The following SOX5 variants were observed in gnomAD, a reference collection of about 807,000 sequenced individuals.
SOX5 encodes SRY-box transcription factor 5.
A neutral mutation model predicts 92.0 loss-of-function variants in SOX5; 9 were observed. The observed-to-expected ratio is 0.10, with a 90% CI of 0.06 to 0.17. The LOEUF is 0.17. SOX5 is among the 10% of genes least tolerant of loss of function. The pLI is 1.00. For synonymous variants in SOX5, 344 were observed against 336.3 expected (o/e 1.02, Z -0.25); for missense variants, 642 against 944.5 (o/e 0.68, Z 4.20).
chr12:24,255,354 A>C (rs1450875298), intron 3 of SOX5, among the ~76,000 whole-genome samples: 1 of 152,178 alleles, frequency 6.6e-6, no homozygotes, highest in Non-Finnish European at 1.5e-5. Context: ...TATTAGAAAT[A>C]TTGGGTCCAA....
intron 6 of SOX5, among the ~76,000 whole-genome samples, chr12:23,703,165 A>G (rs1300995977): frequency 6.6e-6 from 1 of 152,076 alleles, no homozygotes; most frequent in Non-Finnish European, 1.5e-5. Context: ...TGTAGTGTGA[A>G]CAGGTTTGCT....
intron 4 of SOX5, among the ~76,000 whole-genome samples, chr12:23,969,329 T>C (rs997989568): frequency 6.6e-6 from 1 of 151,934 alleles, no homozygotes; most frequent in Non-Finnish European, 1.5e-5. Context: ...CAATCCATTT[T>C]TTTTCCCACA....
chr12:24,502,987 A>G (rs1948372155), intron 1 of SOX5, among the ~76,000 whole-genome samples: 2 of 152,228 alleles, frequency 1.3e-5, no homozygotes, highest in South Asian at 4.1e-4. Flanking sequence ...AAGCTGAAGA[A>G]TTGTCACACT....
At chr12:23,725,729 C>G (rs894038650) in intron 6 of SOX5, among the ~76,000 whole-genome samples, 5 of 150,528 alleles carry the variant, frequency 3.3e-5, no homozygotes, top group African/African-American at 7.3e-5. Context: ...ATACGGAAGT[C>G]AGATGATGGA....
intron 13 of SOX5, among the ~76,000 whole-genome samples, chr12:23,540,242 G>A (rs1273062950): frequency 6.6e-6 from 1 of 151,794 alleles, no homozygotes; most frequent in Non-Finnish European, 1.5e-5. Flanking sequence ...AGGAGGGATA[G>A]CATTAGGAGA....
intron 4 of SOX5, among the ~76,000 whole-genome samples, chr12:24,071,896 G>A (rs2137450168): frequency 6.6e-6 from 1 of 152,298 alleles, no homozygotes; most frequent in Non-Finnish European, 1.5e-5. Context: ...AGCATCTGCA[G>A]AAACAAAATT....
intron 1 of SOX5, among the ~76,000 whole-genome samples, chr12:23,914,127 A>G (rs892744929): frequency 5.3e-5 from 8 of 152,270 alleles, no homozygotes; most frequent in Middle Eastern, 6.8e-3. Context: ...CAGAGCCCTA[A>G]ATTAATTCAT....
intron 11 of SOX5, among the ~76,000 whole-genome samples, chr12:23,557,665 C>T (rs1945414927): frequency 6.6e-6 from 1 of 152,028 alleles, no homozygotes. Context: ...CTTTGTGAAC[C>T]CCAGACAAGG....
intron 2 of SOX5, among the ~76,000 whole-genome samples, chr12:24,341,472 C>G (rs983558222): frequency 3.3e-5 from 5 of 152,194 alleles, no homozygotes; most frequent in Admixed American, 3.3e-4. Flanking sequence ...ACGAAACCGT[C>G]TCAAAAATTA....
At chr12:23,688,507 A>G (rs1292520229) in intron 6 of SOX5, among the ~76,000 whole-genome samples, 3 of 152,102 alleles carry the variant, frequency 2.0e-5, no homozygotes, top group Non-Finnish European at 4.4e-5. Flanking sequence ...AATTAATGGC[A>G]AAATAGGAAT....
At chr12:24,187,009 T>C (rs1178623433) in intron 4 of SOX5, among the ~76,000 whole-genome samples, 1 of 151,738 alleles carries the variant, frequency 6.6e-6, no homozygotes, top group Non-Finnish European at 1.5e-5. Flanking sequence ...CTTGGAAAAG[T>C]TTAATAAGAC....
At chr12:23,629,869 T>A (rs1011479136) in intron 8 of SOX5, among the ~76,000 whole-genome samples, 17 of 151,968 alleles carry the variant, frequency 1.1e-4, no homozygotes, top group African/African-American at 3.9e-4. Flanking sequence ...ATTTGCTGAA[T>A]AAATAAAGAT....
In SOX5 at chr12:24,294,928, G is replaced by C. The variant is rs1009730641; in HGVS notation, c.-173-17616C>G. ...CTTTCCTGTTTGAGAAAACACACCAGGTCTTAACATCCACAAAAGGTAAAA... is the reference window on the plus strand; with the variant it reads ...CTTTCCTGTTTGAGAAAACACACCACGTCTTAACATCCACAAAAGGTAAAA... On this transcript the variant is annotated intron_variant, in intron 2 of 4. Coordinates refer to the SOX5 transcript ENST00000446891. Among the ~76,000 whole-genome samples the C allele has an allele frequency of 2.6e-5, 4 of 152,170 alleles. No homozygotes were observed. In the South Asian group the frequency reaches 6.2e-4, roughly 24 times the overall value.
intron 4 of SOX5, among the ~76,000 whole-genome samples, chr12:24,030,556 A>C (rs183645758): frequency 1.3e-5 from 2 of 152,008 alleles, no homozygotes; most frequent in African/African-American, 2.4e-5. Context: ...AAATAGAATA[A>C]AGACTTAAAT....
intron 1 of SOX5, among the ~76,000 whole-genome samples, chr12:24,485,426 A>G (rs1946417780): frequency 1.3e-5 from 2 of 152,184 alleles, no homozygotes; most frequent in South Asian, 4.1e-4. Context: ...ATTGTGAAAA[A>G]CGAATTGTTC....
At chr12:24,070,299 T>C (rs1941556411) in intron 4 of SOX5, among the ~76,000 whole-genome samples, 1 of 152,156 alleles carries the variant, frequency 6.6e-6, no homozygotes, top group Admixed American at 6.5e-5. Flanking sequence ...ATAAGTGATG[T>C]TTCATCTCAG....
At chr12:23,696,521 C>A (rs1297604937) in intron 6 of SOX5, among the ~76,000 whole-genome samples, 2 of 152,078 alleles carry the variant, frequency 1.3e-5, no homozygotes, top group Non-Finnish European at 2.9e-5. Flanking sequence ...CCTGAATTGT[C>A]TAGCTAGAGG....
chr12:24,439,813 T>A (rs1940165521), intron 1 of SOX5, among the ~76,000 whole-genome samples: 1 of 152,034 alleles, frequency 6.6e-6, no homozygotes, highest in Non-Finnish European at 1.5e-5. Context: ...GAGAATGGTG[T>A]GAACCCAGGA....
At chr12:24,451,303 A>G (rs1431511395) in intron 1 of SOX5, among the ~76,000 whole-genome samples, 2 of 152,150 alleles carry the variant, frequency 1.3e-5, no homozygotes, top group East Asian at 1.9e-4. Context: ...TTTCTTATGG[A>G]TATATACCCA....
Sources: allele counts gnomAD v4.1 joint callset (sites outside exome capture counted in the v4.1 genomes callset), GRCh38; gene constraint gnomAD v4.1.1; transcripts MANE v1.5; gene names NCBI Gene and HGNC (gene_info 2026-07-23, HGNC 2026-07-21).